CNTNAP2: variants seen among roughly 807,000 people sequenced by gnomAD.
The protein encoded by CNTNAP2 is contactin associated protein 2.
CNTNAP2 carries 98 observed loss-of-function variants against 155.2 expected under a neutral mutation model. That is an observed-to-expected ratio of 0.63 (90% CI 0.54 to 0.75). The LOEUF (loss-of-function observed/expected upper bound fraction) is 0.75. CNTNAP2 is among the 30% of genes least tolerant of loss of function. The pLI, the probability that CNTNAP2 is intolerant of heterozygous loss-of-function variation, is 0.00. For missense variants in CNTNAP2, 1,727 were observed against 1,688.1 expected (o/e 1.02, Z -0.40); for synonymous variants, 651 against 631.2 (o/e 1.03, Z -0.47).
intron 13 of CNTNAP2, among the ~76,000 whole-genome samples, chr7:147,860,161 A>G (rs1799111064): frequency 6.6e-6 from 1 of 152,170 alleles, no homozygotes; most frequent in Non-Finnish European, 1.5e-5. Context: ...GCAGTGGCTC[A>G]TGCCTGTAAT....
intron 3 of CNTNAP2, among the ~76,000 whole-genome samples, chr7:146,922,262 GA>G (rs34517769): frequency 0.95 from 139,784 of 146,892 alleles, 66,497 homozygotes; most frequent in East Asian, 0.99. Flanking sequence ...CTTAATAAAG[GA>G]AAAAAAAAAA....
intron 3 of CNTNAP2, among the ~76,000 whole-genome samples, chr7:146,940,872 A>G (rs1413124089): frequency 6.6e-6 from 1 of 151,894 alleles, no homozygotes; most frequent in African/African-American, 2.4e-5. Flanking sequence ...GAATTGTTAT[A>G]TTATCTTGCT....
intron 1 of CNTNAP2, among the ~76,000 whole-genome samples, chr7:146,686,436 T>A (rs942718414): frequency 1.1e-4 from 17 of 152,136 alleles, no homozygotes; most frequent in African/African-American, 3.9e-4. Context: ...CTTCCAGAAT[T>A]TCCTTCTCCA....
At chr7:147,488,148 ATTAG>A (rs1211400265) in intron 11 of CNTNAP2, among the ~76,000 whole-genome samples, 7 of 152,348 alleles carry the variant, frequency 4.6e-5, no homozygotes, top group African/African-American at 1.2e-4. Context: ...ATCCAAATGG[ATTAG>A]TTAAAAATTT....
At chr7:147,334,502 A>T (rs1040153411) in intron 9 of CNTNAP2, among the ~76,000 whole-genome samples, 3 of 152,208 alleles carry the variant, frequency 2.0e-5, no homozygotes, top group African/African-American at 7.2e-5. Context: ...AATGCATTCC[A>T]TAGAAGATAG....
At chr7:148,216,551 T>C (rs1041014817) in intron 18 of CNTNAP2, among the ~76,000 whole-genome samples, 1 of 152,246 alleles carries the variant, frequency 6.6e-6, no homozygotes, top group Non-Finnish European at 1.5e-5. Flanking sequence ...ATGGGTTCCC[T>C]GTACCAGGGA....
chr7:147,841,482 G>A (rs1382041945), intron 13 of CNTNAP2, among the ~76,000 whole-genome samples: 1 of 152,158 alleles, frequency 6.6e-6, no homozygotes, highest in Non-Finnish European at 1.5e-5. Flanking sequence ...AGCTACAGGT[G>A]CTACAAGGTG....
intron 8 of CNTNAP2, among the ~76,000 whole-genome samples, chr7:147,159,312 G>A (rs902012297): frequency 1.3e-5 from 2 of 152,004 alleles, no homozygotes; most frequent in African/African-American, 2.4e-5. Flanking sequence ...TCAGAAATAC[G>A]ATTATTCTGG....
At chr7:146,598,234 C>T (rs970312552) in intron 1 of CNTNAP2, among the ~76,000 whole-genome samples, 6 of 152,088 alleles carry the variant, frequency 3.9e-5, no homozygotes, top group African/African-American at 1.4e-4. Flanking sequence ...CAGCAATTGT[C>T]TCTTCTTTTT....
At chr7:148,046,138 T>C (rs560976137) in intron 15 of CNTNAP2, among the ~76,000 whole-genome samples, 6 of 152,150 alleles carry the variant, frequency 3.9e-5, no homozygotes, top group Non-Finnish European at 8.8e-5. Flanking sequence ...TGGAATGCAG[T>C]AATATGATCA....
At chr7:147,741,163 G>T (rs748970824) in intron 13 of CNTNAP2, among the ~76,000 whole-genome samples, 22 of 152,228 alleles carry the variant, frequency 1.4e-4, no homozygotes, top group Non-Finnish European at 3.1e-4. Flanking sequence ...GATGGGAAGA[G>T]ATTTGGGTCA....
At chr7:147,251,878 A>G (rs949887495) in intron 8 of CNTNAP2, among the ~76,000 whole-genome samples, 3 of 152,196 alleles carry the variant, frequency 2.0e-5, no homozygotes, top group Non-Finnish European at 2.9e-5. Context: ...AAAGATGCAG[A>G]TGTTTTAAAT....
intron 9 of CNTNAP2, among the ~76,000 whole-genome samples, chr7:147,319,573 T>C (rs1795306542): frequency 6.6e-6 from 1 of 152,142 alleles, no homozygotes; most frequent in Admixed American, 6.5e-5. Flanking sequence ...AGATGAGGTT[T>C]CACCATGTCG....
At chr7:147,309,730 C>CT (rs1322549778) in intron 9 of CNTNAP2, among the ~76,000 whole-genome samples, 2 of 152,094 alleles carry the variant, frequency 1.3e-5, no homozygotes, top group East Asian at 3.9e-4. Context: ...TTAAAAAACA[C>CT]TTTTTTTAAC....
At chr7:147,906,603 G>A (rs542456703) in intron 14 of CNTNAP2, among the ~76,000 whole-genome samples, 64 of 151,776 alleles carry the variant, frequency 4.2e-4, no homozygotes, top group African/African-American at 8.0e-4. Flanking sequence ...GGGACTACAG[G>A]TGCCCACCAC....
intron 21 of CNTNAP2, among the ~76,000 whole-genome samples, chr7:148,287,316 A>T (rs921599467): frequency 6.6e-6 from 1 of 152,242 alleles, no homozygotes; most frequent in Non-Finnish European, 1.5e-5. Context: ...AAATCAAATC[A>T]AGAAACTAAA....
chr7:146,269,213 G>T (rs568701673), intron 1 of CNTNAP2, among the ~76,000 whole-genome samples: 2 of 152,124 alleles, frequency 1.3e-5, no homozygotes, highest in Non-Finnish European at 2.9e-5. Flanking sequence ...GGTGGCACGC[G>T]CCTGTGGTCC....
intron 10 of CNTNAP2, among the ~76,000 whole-genome samples, chr7:147,431,604 C>A (rs539996687): frequency 3.3e-5 from 5 of 152,340 alleles, no homozygotes; most frequent in Admixed American, 6.5e-5. Flanking sequence ...ATCACTCAAC[C>A]AAGACAGCCC....
intron 3 of CNTNAP2, among the ~76,000 whole-genome samples, chr7:146,869,158 T>C (rs1035384091): frequency 5.9e-5 from 9 of 152,204 alleles, no homozygotes; most frequent in Middle Eastern, 3.2e-3. Context: ...GGTTTTGTCA[T>C]AGATAGCTCT....
Sources: allele counts gnomAD v4.1 joint callset (sites outside exome capture counted in the v4.1 genomes callset), GRCh38; gene constraint gnomAD v4.1.1; transcripts MANE v1.5; gene names NCBI Gene and HGNC (gene_info 2026-07-23, HGNC 2026-07-21).